Variants in PTPRC observed in about 807,000 individuals in gnomAD.
PTPRC encodes receptor-type tyrosine-protein phosphatase C.
A neutral mutation model predicts 155.9 loss-of-function variants in PTPRC; 44 were observed. That is an observed-to-expected ratio of 0.28 (90% CI 0.22 to 0.36). The LOEUF is 0.36. PTPRC is among the 10% of genes least tolerant of loss of function. PTPRC has a pLI of 1.00. For synonymous variants in PTPRC, 525 were observed against 533.1 expected, an observed-to-expected ratio of 0.98 and a Z score of 0.21; for missense variants, 1,401 against 1,564.6, an observed-to-expected ratio of 0.90 and a Z score of 1.76.
intron 12 of PTPRC, among the ~76,000 whole-genome samples, chr1:198,715,831 A>T (rs1376958996): frequency 6.6e-6 from 1 of 152,100 alleles, no homozygotes; most frequent in Non-Finnish European, 1.5e-5. Flanking sequence ...TATTGATATT[A>T]TTATTACTGT....
At chr1:198,704,593 G>A in intron 8 of PTPRC, 95 bp downstream of exon 8, 1 of 1,606,876 alleles carries the variant, frequency 6.2e-7, no homozygotes, top group Non-Finnish European at 8.5e-7. Context: ...CCACTAGTAA[G>A]CTAAACTCAC....
At chr1:198,652,177 A>G (rs551203290) in intron 2 of PTPRC, among the ~76,000 whole-genome samples, 1 of 151,930 alleles carries the variant, frequency 6.6e-6, no homozygotes, top group Middle Eastern at 3.4e-3. Flanking sequence ...TACAGGAGAA[A>G]GCTGTGCAGC....
At position 198,712,982 on chromosome 1, in the gene PTPRC, A is replaced by G. The variant is rs200107066; in HGVS notation, c.1201A>G (p.Arg401Gly). The G allele has an allele frequency of 6.2e-7, 1 of 1,613,610 alleles. No homozygotes were observed. Among genetic ancestry groups the G allele is most frequent in the Non-Finnish European group, 8.5e-7 (1 of 1,179,588 alleles). The change falls in exon 12 of 33, where the codon AGA (arginine) becomes GGA (glycine). Residue 401 changes from arginine (R) to glycine (G), a missense_variant. By Grantham distance (125) the Arg-to-Gly change is moderately radical. Around this residue, in one of 3 missense-constraint regions of PTPRC, gnomAD observed 867 missense variants for 970.4 expected, o/e 0.89. Coordinates refer to ENST00000442510, the MANE Select transcript of PTPRC (RefSeq NM_002838.5). Reference protein sequence around the residue: ...SPGEPQIIFCRSEAAHQGVIT... With the variant: ...SPGEPQIIFCGSEAAHQGVIT... Reference sequence around the variant, plus strand: ...AGGAGAGCCTCAGATTATTTTTTGTAGAAGTGAAGCTGCACATCAAGGAGT... The same window carrying G: ...AGGAGAGCCTCAGATTATTTTTTGTGGAAGTGAAGCTGCACATCAAGGAGT...
chr1:198,748,036 G>T, intron 26 of PTPRC, 73 bp from the exon 27 acceptor site: 2 of 1,531,184 alleles, frequency 1.3e-6, no homozygotes, highest in Non-Finnish European at 1.8e-6. Flanking sequence ...TTTTCCTTAG[G>T]GAGCATCTTA....
At chr1:198,742,488 T>C (rs979254425) in intron 25 of PTPRC, 121 bp downstream of exon 25, 2 of 1,268,972 alleles carry the variant, frequency 1.6e-6, no homozygotes, top group African/African-American at 3.0e-5. Context: ...CAGTAGATGA[T>C]TTCCTGAAAA....
intron 32 of PTPRC, among the ~76,000 whole-genome samples, chr1:198,755,203 G>C (rs1655574306): frequency 6.6e-6 from 1 of 152,014 alleles, no homozygotes; most frequent in South Asian, 2.1e-4. Flanking sequence ...AAAGAAATGT[G>C]GATACAGGAA....
chr1:198,746,361 A>C (rs1655132343), intron 26 of PTPRC, among the ~76,000 whole-genome samples: 1 of 151,728 alleles, frequency 6.6e-6, no homozygotes, highest in Admixed American at 6.6e-5. Flanking sequence ...CTTTTCTTGA[A>C]GCTGTGAGGT....
In PTPRC at chr1:198,699,677, C is replaced by G. The variant is rs1224015214; in HGVS notation, c.412C>G (p.Pro138Ala). The G allele has an allele frequency of 6.2e-7, 1 of 1,614,160 alleles. No homozygotes were observed. The highest frequency in any genetic ancestry group is 1.3e-5 in the African/African-American group (1 of 75,064). ...SGSAANAKLN[P>A]TPGSNAISDV... Reference sequence around the variant, plus strand: ...CTCCGCCGCCAATGCAAAACTCAACCCTACCCCAGGCAGCAATGCTATCTC... The same window carrying G: ...CTCCGCCGCCAATGCAAAACTCAACGCTACCCCAGGCAGCAATGCTATCTC... The change falls in exon 5 of 33, where the codon CCT becomes GCT. Residue 138 changes from proline (P) to alanine (A), a missense_variant. Physicochemically the swap from Pro to Ala is conservative, Grantham distance 27 (BLOSUM62 -1). Transcript: ENST00000442510.
At chr1:198,726,910 T>C (rs1157307354) in intron 15 of PTPRC, among the ~76,000 whole-genome samples, 1 of 151,346 alleles carries the variant, frequency 6.6e-6, no homozygotes, top group African/African-American at 2.4e-5. Context: ...TCGTCCAGGT[T>C]GGAGTACAGT....
chr1:198,680,548 C>T (rs1308348927), intron 2 of PTPRC, among the ~76,000 whole-genome samples: 4 of 151,314 alleles, frequency 2.6e-5, no homozygotes, highest in Admixed American at 6.6e-5. Flanking sequence ...TAAAGTGAAT[C>T]GTAAAGACTT....
intron 31 of PTPRC, 85 bp from the exon 32 acceptor site, chr1:198,754,184 T>C: frequency 2.1e-6 from 3 of 1,443,892 alleles, no homozygotes; most frequent in South Asian, 2.4e-5. Context: ...GCAAAAAATA[T>C]ATTCTCTCTC....
rs920384072 is a variant in PTPRC at position 198,682,419 on chromosome 1, CT to C, written c.74-9920del. The stretch of plus-strand genomic sequence containing the variant: ...CCTATAATCTAGCATTTATTTTCTG[CT>C]TTTTTTTATTATATTGTAGTTAGTT... On this transcript the variant is annotated intron_variant, in intron 2 of 32. Transcript: ENST00000442510. Among the ~76,000 whole-genome samples the C allele has an allele frequency of 2.0e-4, 30 of 151,886 alleles. No individual in the cohort carries two copies. In the East Asian group the frequency reaches 5.0e-3, roughly 25 times the overall value.
chr1:198,746,283 G>C (rs1221424297), intron 26 of PTPRC, among the ~76,000 whole-genome samples: 3 of 151,808 alleles, frequency 2.0e-5, no homozygotes, highest in Non-Finnish European at 4.4e-5. Context: ...CAAAGTGCTT[G>C]GTTGATTTGA....
chr1:198,741,858 C>A lies in PTPRC; in HGVS notation c.2404-11C>A, dbSNP rs1186990116. The A allele has an allele frequency of 6.2e-7, 1 of 1,609,998 alleles. No homozygotes were observed. The highest frequency in any genetic ancestry group is 8.5e-7 in the Non-Finnish European group (1 of 1,177,668). ...AAAATCATCTCAAAGAAAATATTATCTCTTGACTAGAAAAAAGAAAAAGCA... is the reference window on the plus strand; with the variant it reads ...AAAATCATCTCAAAGAAAATATTATATCTTGACTAGAAAAAAGAAAAAGCA... On this transcript the variant is annotated splice_polypyrimidine_tract_variant and intron_variant, in intron 23 of 32. Transcript: ENST00000442510.
At position 198,735,072 on chromosome 1, in the gene PTPRC, T is replaced by A. The variant is rs1000324757; in HGVS notation, c.2278-55T>A. On this transcript the variant is annotated intron_variant, in intron 22 of 32. Coordinates refer to ENST00000442510, the MANE Select transcript of PTPRC (RefSeq NM_002838.5). ...TTTTCACTGTTTAAAGAAAGTTTGA[T>A]AAAAAATTGGCTTAAATTAAAAATT... The A allele has an allele frequency of 2.8e-6, 4 of 1,447,252 alleles. No individual in the cohort carries two copies. In the African/African-American group the frequency reaches 5.7e-5, roughly 21 times the overall value. 89.7% of individuals were successfully genotyped at this position (1,447,252 alleles called of 1,614,324 possible).
At chr1:198,741,413 T>G (rs1011986792) in intron 23 of PTPRC, among the ~76,000 whole-genome samples, 1 of 151,816 alleles carries the variant, frequency 6.6e-6, no homozygotes, top group African/African-American at 2.4e-5. Flanking sequence ...ATTAGTTCTG[T>G]TTGCTGGCCT....
chr1:198,666,240 CAAA>C (rs756815638), intron 2 of PTPRC, among the ~76,000 whole-genome samples: 152 of 101,752 alleles, frequency 1.5e-3, no homozygotes, highest in Middle Eastern at 4.7e-3. Flanking sequence ...GACCCTGTCT[CAAA>C]AAAAAAAAAA....
intron 3 of PTPRC, among the ~76,000 whole-genome samples, chr1:198,693,381 T>C (rs532791612): frequency 2.0e-5 from 3 of 152,364 alleles, no homozygotes; most frequent in South Asian, 2.1e-4. Flanking sequence ...GATTGGTTTA[T>C]GCCAGCTACT....
intron 2 of PTPRC, among the ~76,000 whole-genome samples, chr1:198,684,604 ACT>A (rs1205337000): frequency 6.7e-6 from 1 of 149,998 alleles, no homozygotes; most frequent in Non-Finnish European, 1.5e-5. Context: ...TGCTCCCACG[ACT>A]CTCCCCTCCC....
Sources: gnomAD v4.1 joint callset for allele counts (sites outside exome capture counted in the v4.1 genomes callset) on GRCh38, gnomAD v4.1.1 for gene constraint, gnomAD v4.1.1 regional missense constraint, MANE v1.5 for transcripts, NCBI Gene and HGNC (gene_info 2026-07-23, HGNC 2026-07-21) for gene names.